SERPINI2: variants seen among roughly 807,000 people sequenced by gnomAD.
SERPINI2 encodes serpin family I member 2.
SERPINI2 carries 48 observed loss-of-function variants against 47.3 expected under a neutral mutation model. The ratio of observed to expected loss-of-function variants is 1.02; its 90% CI spans 0.81 to 1.29. SERPINI2 has a LOEUF of 1.29. Ranked by LOEUF, SERPINI2 falls within the 50% of genes most tolerant of loss-of-function variation. The pLI is 0.00. For synonymous variants in SERPINI2, 135 were observed against 149.3 expected (o/e 0.90, Z 0.70); for missense variants, 448 against 456.9 (o/e 0.98, Z 0.18).
At position 167,471,860 on chromosome 3, in the gene SERPINI2, C is replaced by A. The variant is rs752042065; in HGVS notation, c.-10-16G>T. 2 of 1,573,660 alleles carry A rather than the reference C, an allele frequency of 1.3e-6. No homozygotes were observed. Among genetic ancestry groups the A allele is most frequent in the South Asian group, 1.1e-5 (1 of 88,824 alleles). The stretch of plus-strand genomic sequence containing the variant: ...TTTGACTTCTCTGTATTGTTTAAAT[C>A]AAAATATATTCATTTTCAAAATAGA... On this transcript the variant is annotated splice_polypyrimidine_tract_variant and intron_variant, in intron 1 of 8. Transcript: ENST00000264677.
intron 7 of SERPINI2, 191 bp from the exon 8 acceptor site, chr3:167,446,672 T>C: frequency 2.6e-6 from 1 of 387,282 alleles, no homozygotes; most frequent in Non-Finnish European, 4.6e-6. Context: ...AGAATAAATA[T>C]TAGGTCACTC....
intron 6 of SERPINI2, among the ~76,000 whole-genome samples, chr3:167,449,817 G>A (rs1749595068): frequency 6.6e-6 from 1 of 152,144 alleles, no homozygotes; most frequent in African/African-American, 2.4e-5. Context: ...AATGATCAAA[G>A]ACAAGGAAAC....
upstream of SERPINI2, among the ~76,000 whole-genome samples, chr3:167,476,296 A>T (rs1439614270): frequency 6.6e-6 from 1 of 151,926 alleles, no homozygotes; most frequent in African/African-American, 2.4e-5. Context: ...GCTGTGAGTT[A>T]CAAAAGAAGA....
exon 4 of SERPINI2, chr3:167,465,531 A>G (rs745388615): frequency 5.6e-6 from 9 of 1,613,596 alleles, no homozygotes; most frequent in Middle Eastern, 3.3e-4. Context: ...CAGTTGAACC[A>G]TTTTTCTTAG....
exon 6 of SERPINI2, chr3:167,453,033 T>C (rs1368280869): frequency 6.6e-7 from 1 of 1,519,806 alleles, no homozygotes; most frequent in Non-Finnish European, 8.9e-7. Context: ...CTACTTTAAA[T>C]CTGTTATTAA....
intron 5 of SERPINI2, among the ~76,000 whole-genome samples, chr3:167,462,185 T>G (rs1750001584): frequency 6.6e-6 from 1 of 152,214 alleles, no homozygotes. Context: ...TTAAATTACT[T>G]GCTATGTTGT....
Position 167,442,202 on chromosome 3 carries a change from A to C in SERPINI2, c.1142-17T>G, listed in dbSNP as rs552663325. On this transcript the variant is annotated splice_polypyrimidine_tract_variant and intron_variant, in intron 8 of 8. Coordinates refer to ENST00000264677, the Ensembl canonical transcript of SERPINI2. ...GAATTGATTCTAGGGAAAAAAAAAC[A>C]AAAAAATATACTTTAGGAATTTCAG... The C allele has an allele frequency of 1.3e-6, 2 of 1,511,506 alleles. No homozygotes were observed. The highest frequency in any genetic ancestry group is 2.8e-5 in the African/African-American group (2 of 70,488). 93.6% of individuals were successfully genotyped at this position (1,511,506 alleles called of 1,614,324 possible). A position where few individuals can be genotyped will look rare whatever the true frequency, so the allele number is the denominator to read the frequency against.
intron 7 of SERPINI2, chr3:167,447,008 C>A (rs1231278712): frequency 6.6e-6 from 1 of 151,948 alleles, no homozygotes; most frequent in Admixed American, 6.6e-5. Flanking sequence ...AGATTTGAAG[C>A]AGAAATTTGC....
intron 2 of SERPINI2, among the ~76,000 whole-genome samples, chr3:167,471,206 G>A (rs1365026561): frequency 1.3e-5 from 2 of 151,964 alleles, no homozygotes; most frequent in East Asian, 3.9e-4. Flanking sequence ...ATGGGAAAAT[G>A]ATCACAACAT....
chr3:167,454,537 G>A (rs1749733118), intron 5 of SERPINI2, among the ~76,000 whole-genome samples: 1 of 152,040 alleles, frequency 6.6e-6, no homozygotes, highest in Non-Finnish European at 1.5e-5. Context: ...TGGAGTATGG[G>A]CTTTTAAAGG....
At chr3:167,461,063 C>G (rs1028189058) in intron 5 of SERPINI2, among the ~76,000 whole-genome samples, 2 of 152,124 alleles carry the variant, frequency 1.3e-5, no homozygotes, top group Non-Finnish European at 1.5e-5. Context: ...TTGGTTCACT[C>G]TAACTAGGTA....
At position 167,465,681 on chromosome 3, in the gene SERPINI2, G is replaced by C. The variant is rs201987158; in HGVS notation, c.479-8C>G. On this transcript the variant is annotated splice_region_variant and splice_polypyrimidine_tract_variant and intron_variant, in intron 3 of 8. Coordinates refer to ENST00000264677, the Ensembl canonical transcript of SERPINI2. ...ACATGTCTTTAATTTTTCCTAGGAAGTGGGTGGAGGAGGAGGTAAGAAGAA... is the reference window on the plus strand; with the variant it reads ...ACATGTCTTTAATTTTTCCTAGGAACTGGGTGGAGGAGGAGGTAAGAAGAA... The C allele has an allele frequency of 3.6e-4, 571 of 1,601,758 alleles. 1 individual carries two copies. The highest frequency in any genetic ancestry group is 9.5e-4 in the Admixed American group (54 of 56,984).
At chr3:167,456,656 A>G (rs940103869) in intron 5 of SERPINI2, among the ~76,000 whole-genome samples, 2 of 152,108 alleles carry the variant, frequency 1.3e-5, no homozygotes, top group African/African-American at 4.8e-5. Context: ...GACCTCTTCT[A>G]GTATTGGCTC....
chr3:167,462,093 A>G (rs1240400228), intron 5 of SERPINI2, among the ~76,000 whole-genome samples: 2 of 152,230 alleles, frequency 1.3e-5, no homozygotes, highest in African/African-American at 4.8e-5. Context: ...ATGGTAGGCT[A>G]AGTATAACAA....
In SERPINI2 at chr3:167,449,446, T is replaced by C. The variant is rs746773918; in HGVS notation, c.965-44A>G. 1.3e-5 allele frequency: 15 copies of C among 1,193,128 alleles called. No individual in the cohort carries two copies. The South Asian group carries it at 1.7e-4, about 14-fold the overall frequency. The allele number at this position is 1,193,128 out of a possible 1,614,324, so 73.9% of individuals were successfully genotyped here. On this transcript the variant is annotated intron_variant, in intron 6 of 8. Coordinates refer to ENST00000264677, the Ensembl canonical transcript of SERPINI2. ...ACAAAAGTGTATTTAAGAGTTAAAA[T>C]CAAAAGCCGTTACCTATTAGATCTC... is the stretch of plus-strand genomic sequence containing the variant.
Position 167,460,783 on chromosome 3 carries a change from A to G in SERPINI2, c.866+4423T>C, listed in dbSNP as rs376510072. Among the ~76,000 whole-genome samples the G allele has an allele frequency of 3.9e-5, 6 of 152,328 alleles. No individual in the cohort carries two copies. In the East Asian group the frequency reaches 9.6e-4, roughly 24 times the overall value. On this transcript the variant is annotated intron_variant, in intron 5 of 8. Transcript: ENST00000264677. ...GGAAAGTTGAATTCTGGTTTTTAAG[A>G]TATTTAAAATTAAATAAAGAGAAAT...
intron 3 of SERPINI2, among the ~76,000 whole-genome samples, chr3:167,466,241 T>A (rs778024000): frequency 1.3e-5 from 2 of 152,190 alleles, no homozygotes; most frequent in Non-Finnish European, 2.9e-5. Flanking sequence ...TGTCTAGTGA[T>A]GTCCTCATTT....
At chr3:167,476,157 C>T (rs922454094), upstream of SERPINI2, among the ~76,000 whole-genome samples, 5 of 151,584 alleles carry the variant, frequency 3.3e-5, no homozygotes, top group Non-Finnish European at 5.9e-5. Context: ...GTGACCAATT[C>T]CTTTTACCAC....
Position 167,463,738 on chromosome 3 carries a change from G to A in SERPINI2, c.866+1468C>T, listed in dbSNP as rs76555896. ...AATTTTGAGGTGATTTCTATAAATA[G>A]AGAGGAGAAAGTTTACCTGATGATA... On this transcript the variant is annotated intron_variant, in intron 5 of 8. Coordinates refer to ENST00000264677, the Ensembl canonical transcript of SERPINI2. 2.1e-3 allele frequency among the ~76,000 whole-genome samples: 314 copies of A among 152,264 alleles called. 1 individual carries two copies. The highest frequency in any genetic ancestry group is 5.4e-3 in the South Asian group (26 of 4,824).
Sources: allele counts gnomAD v4.1 joint callset (sites outside exome capture counted in the v4.1 genomes callset), GRCh38; gene constraint gnomAD v4.1.1; transcripts MANE v1.5; gene names NCBI Gene and HGNC (gene_info 2026-07-23, HGNC 2026-07-21).